Variants in CSGALNACT1 observed in about 807,000 individuals in gnomAD.
CSGALNACT1 encodes the protein beta4GalNAcT-1.
In CSGALNACT1, 52 loss-of-function variants were observed where a neutral mutation model predicts 51.0. The ratio of observed to expected loss-of-function variants is 1.02; its 90% CI spans 0.82 to 1.29. The LOEUF (loss-of-function observed/expected upper bound fraction) is 1.29. Ranked by LOEUF, CSGALNACT1 falls within the 50% of genes most tolerant of loss-of-function variation. CSGALNACT1 has a pLI of 0.00. For missense variants in CSGALNACT1, 935 were observed against 679.2 expected, an observed-to-expected ratio of 1.38 and a Z score of -4.19; for synonymous variants, 341 against 254.4, an observed-to-expected ratio of 1.34 and a Z score of -3.24.
At chr8:19,678,842 G>T (rs1300652353) in intron 1 of CSGALNACT1, 1 of 152,174 alleles carries the variant, frequency 6.6e-6, no homozygotes, top group African/African-American at 2.4e-5. Context: ...GTGACACCAA[G>T]CAGGTAAGAC....
At chr8:19,691,799 G>C (rs1345365553) in intron 1 of CSGALNACT1, among the ~76,000 whole-genome samples, 4 of 152,188 alleles carry the variant, frequency 2.6e-5, no homozygotes, top group East Asian at 1.9e-4. Context: ...GATTCTCCAA[G>C]TGTGTCGCTG....
At chr8:19,598,773 A>G (rs1218516703) in intron 2 of CSGALNACT1, among the ~76,000 whole-genome samples, 1 of 152,212 alleles carries the variant, frequency 6.6e-6, no homozygotes, top group African/African-American at 2.4e-5. Context: ...TGCGCAAACA[A>G]TAATGACAAT....
chr8:19,606,410 C>T (rs1188772611), upstream of CSGALNACT1, among the ~76,000 whole-genome samples: 1 of 152,126 alleles, frequency 6.6e-6, no homozygotes, highest in Non-Finnish European at 1.5e-5. Context: ...CAAGATATGT[C>T]TCAGAAAAGA....
chr8:19,406,164 TG>T (rs1019487783), intron 9 of CSGALNACT1, 95 bp from the exon 9 acceptor site: 26 of 1,402,314 alleles, frequency 1.9e-5, no homozygotes, highest in Non-Finnish European at 1.8e-5. Context: ...AAGACATGAC[TG>T]GGGGGGATGC....
intron 1 of CSGALNACT1, among the ~76,000 whole-genome samples, chr8:19,708,902 T>C (rs1433364789): frequency 6.6e-6 from 1 of 152,182 alleles, no homozygotes; most frequent in African/African-American, 2.4e-5. Context: ...TCTAATTCCA[T>C]CATGTACCAC....
intron 4 of CSGALNACT1, 79 bp downstream of exon 3, chr8:19,505,122 T>G: frequency 6.5e-7 from 1 of 1,536,972 alleles, no homozygotes; most frequent in Non-Finnish European, 9.0e-7. Context: ...GCCAGCCTCC[T>G]GGAGCTGGAA....
chr8:19,505,923 G>T lies in CSGALNACT1; in HGVS notation c.-89C>A. The stretch of plus-strand genomic sequence containing the variant: ...GCTTCCCTGGGCTAGACCACAGGAA[G>T]CATGCGTTTGGGGCCCCCGGAGCTG... On this transcript the variant is annotated 5_prime_UTR_variant, in exon 4 of 10. The change creates a premature stop within an existing upstream ORF in the 5' untranslated region. Transcript: ENST00000454498. 1.9e-6 allele frequency: 3 copies of T among 1,549,002 alleles called. No individual in the cohort carries two copies. Among genetic ancestry groups the T allele is most frequent in the Non-Finnish European group, 2.6e-6 (3 of 1,137,188 alleles).
intron 3 of CSGALNACT1, among the ~76,000 whole-genome samples, chr8:19,522,947 C>T (rs2081014861): frequency 6.6e-6 from 1 of 152,174 alleles, no homozygotes; most frequent in Non-Finnish European, 1.5e-5. Flanking sequence ...ATGCTACTAT[C>T]CTGACATATA....
At chr8:19,567,787 G>A (rs1205739935) in intron 3 of CSGALNACT1, among the ~76,000 whole-genome samples, 3 of 152,066 alleles carry the variant, frequency 2.0e-5, no homozygotes, top group Non-Finnish European at 4.4e-5. Context: ...ATTAATAAGA[G>A]TTTAACAACG....
intron 3 of CSGALNACT1, among the ~76,000 whole-genome samples, chr8:19,552,481 G>A (rs1039006337): frequency 2.6e-5 from 4 of 151,890 alleles, no homozygotes; most frequent in East Asian, 3.9e-4. Flanking sequence ...TTATCACTCC[G>A]AGACCAAGTT....
At chr8:19,578,351 C>T (rs2044752544) in intron 3 of CSGALNACT1, among the ~76,000 whole-genome samples, 1 of 152,180 alleles carries the variant, frequency 6.6e-6, no homozygotes, top group African/African-American at 2.4e-5. Flanking sequence ...TGCTCTGGGA[C>T]TTTGTGTACA....
At chr8:19,618,780 C>T (rs1439574959) in intron 1 of CSGALNACT1, among the ~76,000 whole-genome samples, 1 of 152,094 alleles carries the variant, frequency 6.6e-6, no homozygotes, top group African/African-American at 2.4e-5. Context: ...AAGGCCGGGG[C>T]TAGCACTTTC....
chr8:19,734,867 A>G (rs1308517237), intron 1 of CSGALNACT1, among the ~76,000 whole-genome samples: 3 of 152,148 alleles, frequency 2.0e-5, no homozygotes, highest in Non-Finnish European at 4.4e-5. Flanking sequence ...ATAAATATAC[A>G]TATACATTAT....
intron 1 of CSGALNACT1, among the ~76,000 whole-genome samples, chr8:19,664,277 C>A (rs1049194500): frequency 3.9e-5 from 6 of 152,060 alleles, no homozygotes; most frequent in Admixed American, 2.0e-4. Context: ...CAAACTAAAA[C>A]CACAATGAGA....
chr8:19,658,062 CAAAAAAAAAA>C lies in CSGALNACT1; in HGVS notation c.-544+24401_-544+24410del, dbSNP rs397973082. 9.2e-5 allele frequency among the ~76,000 whole-genome samples: 8 copies of C among 86,714 alleles called. 1 individual carries two copies. Among genetic ancestry groups the C allele is most frequent in the East Asian group, 3.7e-4 (1 of 2,734 alleles). The allele number at this position is 86,714 out of a possible 152,430, so 56.9% of individuals were successfully genotyped here. On this transcript the variant is annotated intron_variant, in intron 1 of 9. Coordinates refer to the CSGALNACT1 transcript ENST00000332246. ...TATGTGTGCCCTCTCACCCTCCTTC[CAAAAAAAAAA>C]AAAAAAAAAAAAGTCCTGTTAAAGC...
At chr8:19,417,394 A>G (rs1167726315) in intron 8 of CSGALNACT1, among the ~76,000 whole-genome samples, 2 of 152,328 alleles carry the variant, frequency 1.3e-5, no homozygotes, top group Non-Finnish European at 2.9e-5. Context: ...AAATATCATA[A>G]TATCAGTTGC....
rs1384898184 is a variant in CSGALNACT1, at chr8:19,486,873, G to A, written c.634+18328C>T. On this transcript the variant is annotated intron_variant, in intron 4 of 9. Coordinates refer to ENST00000454498, the Ensembl canonical transcript of CSGALNACT1. Reference sequence around the variant, plus strand: ...CAGTTTTCACTCCTGGCTCCCCATTGCCTGGGACAGTACCTGGCGCACAGT... The same window carrying A: ...CAGTTTTCACTCCTGGCTCCCCATTACCTGGGACAGTACCTGGCGCACAGT... Among the ~76,000 whole-genome samples, 20 of 152,126 alleles carry A rather than the reference G, an allele frequency of 1.3e-4. No homozygotes were observed. In the East Asian group the frequency reaches 3.9e-3, roughly 29 times the overall value.
intron 6 of CSGALNACT1, among the ~76,000 whole-genome samples, chr8:19,425,872 G>A (rs146540069): frequency 2.4e-3 from 362 of 152,098 alleles, no homozygotes; most frequent in African/African-American, 8.3e-3. Context: ...AACATCACTC[G>A]GTCTTTAAGG....
intron 4 of CSGALNACT1, among the ~76,000 whole-genome samples, chr8:19,468,071 A>G (rs1239176817): frequency 3.3e-5 from 5 of 152,216 alleles, no homozygotes; most frequent in Admixed American, 6.5e-5. Context: ...GGTAAACAGA[A>G]CAGGACTCAG....
Sources: allele counts gnomAD v4.1 joint callset (sites outside exome capture counted in the v4.1 genomes callset), GRCh38; gene constraint gnomAD v4.1.1; transcripts MANE v1.5; gene names NCBI Gene and HGNC (gene_info 2026-07-23, HGNC 2026-07-21).